The following RAPGEF1 variants were observed in gnomAD, a reference collection of about 807,000 sequenced individuals.
RAPGEF1 encodes CRK SH3-binding GNRP.
In RAPGEF1, 33 loss-of-function variants were observed where a neutral mutation model predicts 143.3. That is an observed-to-expected ratio of 0.23 (90% CI 0.17 to 0.31). The LOEUF (loss-of-function observed/expected upper bound fraction) is 0.31, where lower values mean the gene tolerates loss of function less well. Among genes scored for constraint, RAPGEF1 ranks in the 10% least tolerant of loss-of-function variants. RAPGEF1 has a pLI of 1.00. For missense variants in RAPGEF1, 1,199 were observed against 1,645.4 expected, an observed-to-expected ratio of 0.73 and a Z score of 4.69; for synonymous variants, 629 against 676.5, an observed-to-expected ratio of 0.93 and a Z score of 1.09.
intron 17 of RAPGEF1, among the ~76,000 whole-genome samples, chr9:131,592,456 C>A (rs1434454870): frequency 2.0e-5 from 3 of 152,190 alleles, no homozygotes; most frequent in Admixed American, 6.5e-5. Context: ...CACTTTCTAC[C>A]GATGATGGTG....
rs1474427915 is a variant in RAPGEF1 at position 131,577,932 on chromosome 9, C to T, written c.*1565G>A. The T allele has an allele frequency of 6.6e-6, 1 of 152,216 alleles. No individual in the cohort carries two copies. The highest frequency in any genetic ancestry group is 1.5e-5 in the Non-Finnish European group (1 of 68,036). The allele number at this position is 152,216 out of a possible 1,614,324, so 9.4% of individuals were successfully genotyped here. Reference sequence around the variant, plus strand: ...CTTCTTGATAAATGCTGTTCAAAAACCCATGAAGGACTCAAAGTGACATGG... The same window carrying T: ...CTTCTTGATAAATGCTGTTCAAAAATCCATGAAGGACTCAAAGTGACATGG... On this transcript the variant is annotated 3_prime_UTR_variant, in exon 27 of 27. Transcript: ENST00000683357.
In RAPGEF1 at chr9:131,584,293, C is replaced by T. The variant is rs774381701; in HGVS notation, c.3414+18G>A. The T allele has an allele frequency of 2.2e-5, 35 of 1,594,474 alleles. No individual in the cohort carries two copies. Among genetic ancestry groups the T allele is most frequent in the Non-Finnish European group, 2.6e-5 (30 of 1,169,294 alleles). ...CCCTTACCAGCCACCCTCCCGCCCA[C>T]GCCCCAAGGCCACTCACCTCTGAAG... On this transcript the variant is annotated intron_variant, in intron 24 of 26. Transcript: ENST00000683357. This position sits in a 1 kb window ranked among gnomAD's most constrained non-coding sequence, Gnocchi z 6.8.
Position 131,709,600 on chromosome 9 carries a change from G to GA in RAPGEF1, c.61+30169dup, listed in dbSNP as rs548790234. 8,485 of 1,610,028 alleles carry GA rather than the reference G, an allele frequency of 5.3e-3. 46 individuals carry two copies. The highest frequency in any genetic ancestry group is 9.7e-3 in the South Asian group (884 of 90,966). ...TGCCTCCTTGCTTCTTCCTGGAAAGGAAGCCCAGGGCTTTCTTACCTTGTT... is the reference window on the plus strand; with the variant it reads ...TGCCTCCTTGCTTCTTCCTGGAAAGGAAAGCCCAGGGCTTTCTTACCTTGTT... On this transcript the variant is annotated intron_variant, in intron 1 of 26. Transcript: ENST00000683357.
intron 5 of RAPGEF1, among the ~76,000 whole-genome samples, chr9:131,634,251 T>C (rs1965720436): frequency 6.6e-6 from 1 of 151,424 alleles, no homozygotes; most frequent in African/African-American, 2.4e-5. Flanking sequence ...TGAGACTGTC[T>C]CAGAACAAAA....
At position 131,628,175 on chromosome 9, in the gene RAPGEF1, A is replaced by T; in HGVS notation, c.1018-79T>A. 7.6e-7 allele frequency: 1 copy of T among 1,307,366 alleles called. No homozygotes were observed. Among genetic ancestry groups the T allele is most frequent in the Non-Finnish European group, 1.0e-6 (1 of 979,500 alleles). 81.0% of individuals were successfully genotyped at this position (1,307,366 alleles called of 1,614,324 possible). ...AGACCAGGGGTGAGGCAACCGGTGCATTTACTTAGAGAAGGAAATACTGCC... is the reference window on the plus strand; with the variant it reads ...AGACCAGGGGTGAGGCAACCGGTGCTTTTACTTAGAGAAGGAAATACTGCC... On this transcript the variant is annotated intron_variant, in intron 8 of 26. Transcript: ENST00000683357. This position sits in a 1 kb window ranked among gnomAD's most constrained non-coding sequence, Gnocchi z 5.7.
chr9:131,732,120 G>T (rs138691198), intron 1 of RAPGEF1, among the ~76,000 whole-genome samples: 233 of 152,258 alleles, frequency 1.5e-3, no homozygotes, highest in African/African-American at 5.2e-3. Context: ...AAGGAAGGGG[G>T]TGCCAGAGGC....
In RAPGEF1 at chr9:131,739,903, C is replaced by T; in HGVS notation, c.-73G>A. ...CGCTCGCCTCGGCCCTGGCTCGCCA[C>T]GCCTCAGACCCGCGCCGGCATGGCG... On this transcript the variant is annotated 5_prime_UTR_variant, in exon 1 of 27. In the 5' UTR this introduces an upstream ATG that the reference lacks. Coordinates refer to ENST00000683357, the MANE Select transcript of RAPGEF1 (RefSeq NM_001377935.1). The T allele has an allele frequency of 1.1e-6, 1 of 878,484 alleles. No individual in the cohort carries two copies. Among genetic ancestry groups the T allele is most frequent in the Non-Finnish European group, 1.4e-6 (1 of 734,840 alleles). The allele number at this position is 878,484 out of a possible 1,614,324, so 54.4% of individuals were successfully genotyped here. A position where few individuals can be genotyped will look rare whatever the true frequency, so the allele number is the denominator to read the frequency against.
rs919830403 is a variant in RAPGEF1 at position 131,628,972 on chromosome 9, C to T, written c.893+130G>A. On this transcript the variant is annotated intron_variant, in intron 7 of 26. Coordinates refer to ENST00000683357, the MANE Select transcript of RAPGEF1 (RefSeq NM_001377935.1). This position sits in a 1 kb window ranked among gnomAD's most constrained non-coding sequence, Gnocchi z 5.7. ...CCAGCGAGGGCCGGCGGGGTGGGGA[C>T]AGCTCCAGAGTCAGCCTCCCAAGGG... The T allele has an allele frequency of 7.9e-7, 1 of 1,269,370 alleles. No individual in the cohort carries two copies. The highest frequency in any genetic ancestry group is 1.1e-6 in the Non-Finnish European group (1 of 942,698). The allele number at this position is 1,269,370 out of a possible 1,614,324, so 78.6% of individuals were successfully genotyped here. A position where few individuals can be genotyped will look rare whatever the true frequency, so the allele number is the denominator to read the frequency against.
intron 4 of RAPGEF1, among the ~76,000 whole-genome samples, chr9:131,642,386 C>A (rs1167088283): frequency 6.6e-6 from 1 of 152,222 alleles, no homozygotes; most frequent in Non-Finnish European, 1.5e-5. Context: ...ACACCCTACC[C>A]GACTGGCTCT....
chr9:131,633,609 T>C (rs951496691), intron 5 of RAPGEF1, among the ~76,000 whole-genome samples: 4 of 152,216 alleles, frequency 2.6e-5, no homozygotes, highest in African/African-American at 9.7e-5. Flanking sequence ...AATCCTGGAA[T>C]GACAGGCACA....
intron 1 of RAPGEF1, among the ~76,000 whole-genome samples, chr9:131,720,207 T>G (rs961139528): frequency 1.2e-4 from 18 of 152,208 alleles, no homozygotes; most frequent in African/African-American, 4.3e-4. Flanking sequence ...TTTTCTCATC[T>G]GTAAAATGAG....
intron 1 of RAPGEF1, among the ~76,000 whole-genome samples, chr9:131,687,920 G>A (rs1833486435): frequency 1.3e-5 from 2 of 152,186 alleles, no homozygotes; most frequent in African/African-American, 4.8e-5. Context: ...GGGCTGTGAG[G>A]AACAAGTGTG....
intron 1 of RAPGEF1, among the ~76,000 whole-genome samples, chr9:131,674,669 C>T (rs757579608): frequency 6.6e-6 from 1 of 152,234 alleles, no homozygotes; most frequent in Non-Finnish European, 1.5e-5. Context: ...CCGGTGACCG[C>T]CTCCCTGACA....
At position 131,638,771 on chromosome 9, in the gene RAPGEF1, T is replaced by G; in HGVS notation, c.515A>C (p.Tyr172Ser). ...IQHSSALSSC[Y>S]SRVYQSLANL... ...GGCGAGGCTTTGGTACACTCGGCTA[T>G]AGCAGGAAGAGAGGGCTGAGCTACA... The change falls in exon 5 of 27, where the codon TAT becomes TCT. Residue 172 changes from tyrosine to serine, a missense_variant. By Grantham distance (144) the Tyr-to-Ser change is moderately radical. Transcript: ENST00000683357. 1.2e-6 allele frequency: 2 copies of G among 1,613,766 alleles called. No individual in the cohort carries two copies. Among genetic ancestry groups the G allele is most frequent in the Non-Finnish European group, 1.7e-6 (2 of 1,179,846 alleles).
At position 131,629,117 on chromosome 9, in the gene RAPGEF1, C is replaced by G. The variant is rs1266287430; in HGVS notation, c.878G>C (p.Arg293Pro). The G allele has an allele frequency of 1.2e-6, 2 of 1,613,526 alleles. No individual in the cohort carries two copies. Among genetic ancestry groups the G allele is most frequent in the Admixed American group, 1.7e-5 (1 of 59,956 alleles). Residue 293 changes from arginine (R) to proline (P), a missense_variant, in exon 7 of 27, where the codon CGG becomes CCG. Around this residue, in one of 6 missense-constraint regions of RAPGEF1, gnomAD observed 613 missense variants for 710.9 expected, o/e 0.86. Transcript: ENST00000683357. ...APPKPPLPGIRVVDNSPPPAL... is the reference protein window; with the variant it reads ...APPKPPLPGIPVVDNSPPPAL... The stretch of plus-strand genomic sequence containing the variant: ...AGGTAATTACCTATTATCAACCACC[C>G]GAATGCCAGGCAGAGGAGGCTTGGG...
intron 1 of RAPGEF1, among the ~76,000 whole-genome samples, chr9:131,698,455 C>T (rs1344403834): frequency 1.3e-5 from 2 of 152,220 alleles, no homozygotes; most frequent in East Asian, 3.8e-4. Context: ...CCCCAAAGAA[C>T]TCTTGTGATG....
chr9:131,632,275 C>T (rs902583608), intron 5 of RAPGEF1, among the ~76,000 whole-genome samples: 19 of 151,512 alleles, frequency 1.3e-4, no homozygotes, highest in Non-Finnish European at 2.4e-4. Flanking sequence ...ACTACAGGCA[C>T]CTGCCACTGC....
chr9:131,703,973 T>C (rs1834858728), intron 1 of RAPGEF1, among the ~76,000 whole-genome samples: 1 of 152,194 alleles, frequency 6.6e-6, no homozygotes, highest in African/African-American at 2.4e-5. Flanking sequence ...CTCTTTACTA[T>C]GCAATGCATA....
Position 131,586,668 on chromosome 9 carries a change from A to ACC in RAPGEF1, c.3233+1066_3233+1067dup, listed in dbSNP as rs1285819183. Among the ~76,000 whole-genome samples, 24 of 82,334 alleles carry ACC rather than the reference A, an allele frequency of 2.9e-4. 2 individuals are homozygous for ACC. Among genetic ancestry groups the ACC allele is most frequent in the South Asian group, 2.5e-3 (5 of 2,024 alleles). 54.0% of individuals were successfully genotyped at this position (82,334 alleles called of 152,430 possible). On this transcript the variant is annotated intron_variant, in intron 22 of 26. Transcript: ENST00000683357. ...GTCTCAAACACACACACACACACAC[A>ACC]CCCCTGCAGAGTGAGACTCCGTCTC...
Sources: gnomAD v4.1 joint callset for allele counts (sites outside exome capture counted in the v4.1 genomes callset) on GRCh38, gnomAD v4.1.1 for gene constraint, gnomAD v4.1.1 regional missense constraint, Gnocchi (gnomAD v3.1) non-coding constraint, MANE v1.5 for transcripts, NCBI Gene and HGNC (gene_info 2026-07-23, HGNC 2026-07-21) for gene names.